Variants in GPBP1 observed in about 807,000 individuals in gnomAD.
GPBP1 encodes GC-rich promoter binding protein 1, also known as vasculin.
In GPBP1, 13 loss-of-function variants were observed where a neutral mutation model predicts 56.5. The ratio of observed to expected loss-of-function variants is 0.23; its 90% CI spans 0.15 to 0.37. The LOEUF is 0.37. Among genes scored for constraint, GPBP1 ranks in the 10% least tolerant of loss-of-function variants. The pLI, the probability that GPBP1 is intolerant of heterozygous loss-of-function variation, is 1.00. For missense variants in GPBP1, 477 were observed against 572.3 expected (o/e 0.83, Z 1.70); for synonymous variants, 204 against 188.9 (o/e 1.08, Z -0.66).
At chr5:57,203,406 C>T (rs1049724440) in intron 2 of GPBP1, among the ~76,000 whole-genome samples, 4 of 152,150 alleles carry the variant, frequency 2.6e-5, no homozygotes, top group South Asian at 4.1e-4. Context: ...GAGGCCGAGG[C>T]GGGCAGATCA....
At chr5:57,249,644 G>A (rs2111934468) in intron 9 of GPBP1, 68 bp downstream of exon 9, 1 of 1,264,752 alleles carries the variant, frequency 7.9e-7, no homozygotes, top group East Asian at 2.5e-5. Flanking sequence ...GCATGTATTA[G>A]GACCTTGGAA....
At chr5:57,229,087 C>T (rs991313931) in intron 3 of GPBP1, among the ~76,000 whole-genome samples, 26 of 151,248 alleles carry the variant, frequency 1.7e-4, no homozygotes, top group Admixed American at 1.5e-3. Context: ...AAAAATTAAC[C>T]GGTTGTGGTG....
Position 57,214,177 on chromosome 5 carries a change from C to A in GPBP1, c.47C>A (p.Pro16Gln). Residue 16 changes from proline (P) to glutamine (Q), a missense_variant, in exon 3 of 12, where the codon CCA becomes CAA. Pro to Gln is a moderately conservative substitution (Grantham distance 76). Coordinates refer to ENST00000506184, the MANE Select transcript of GPBP1 (RefSeq NM_022913.4). ...FAPAWLNFPTPPSSTKSSLNF... is the reference protein window; with the variant it reads ...FAPAWLNFPTQPSSTKSSLNF... ...CCAGCCTGGCTTAATTTCCCTACTC[C>A]ACCATCATCAACAAAGGTACTCTTT... 1 of 1,612,788 alleles carries A rather than the reference C, an allele frequency of 6.2e-7. No homozygotes were observed. Among genetic ancestry groups the A allele is most frequent in the Non-Finnish European group, 8.5e-7 (1 of 1,178,830 alleles).
chr5:57,200,317 CAT>C (rs1252925938), intron 2 of GPBP1, among the ~76,000 whole-genome samples: 3 of 148,760 alleles, frequency 2.0e-5, no homozygotes, highest in Non-Finnish European at 4.5e-5. Context: ...TAAAACAAAA[CAT>C]AAAGCATTGT....
intron 3 of GPBP1, among the ~76,000 whole-genome samples, chr5:57,223,687 A>G (rs1756050935): frequency 1.3e-5 from 2 of 151,802 alleles, no homozygotes; most frequent in South Asian, 4.2e-4. Context: ...AACTAAAGAA[A>G]TGTCTTCATA....
At chr5:57,226,700 C>T (rs563081445) in intron 3 of GPBP1, among the ~76,000 whole-genome samples, 23 of 143,460 alleles carry the variant, frequency 1.6e-4, no homozygotes, top group Middle Eastern at 3.6e-3. Flanking sequence ...TACAGGTGTG[C>T]GCCACCAAGC....
Position 57,195,167 on chromosome 5 carries a change from C to A in GPBP1, c.-58+18767C>A, listed in dbSNP as rs145855676. Among the ~76,000 whole-genome samples the A allele has an allele frequency of 3.1e-3, 472 of 151,644 alleles. 4 individuals are homozygous for A. Among genetic ancestry groups the A allele is most frequent in the African/African-American group, 0.011 (451 of 41,318 alleles). On this transcript the variant is annotated intron_variant, in intron 2 of 11. Transcript: ENST00000506184. Reference sequence around the variant, plus strand: ...CCTTTGCCCATTTTTCTATTGAGTTCTTTTTTCTTTTTGAGACAGGGTTTA... The same window carrying A: ...CCTTTGCCCATTTTTCTATTGAGTTATTTTTTCTTTTTGAGACAGGGTTTA...
intron 6 of GPBP1, among the ~76,000 whole-genome samples, chr5:57,243,963 A>T (rs1740958412): frequency 6.6e-6 from 1 of 152,130 alleles, no homozygotes; most frequent in South Asian, 2.1e-4. Flanking sequence ...TGCTGGGATT[A>T]CAGGCATGAG....
rs565752193 is a variant in GPBP1 at position 57,258,617 on chromosome 5, G to C, written c.1161-2563G>C. Among the ~76,000 whole-genome samples the C allele has an allele frequency of 1.4e-4, 21 of 152,250 alleles. 1 individual carries two copies. The highest frequency in any genetic ancestry group is 1.4e-3 in the Admixed American group (21 of 15,292). On this transcript the variant is annotated intron_variant, in intron 10 of 11. Transcript: ENST00000506184. ...GGCACATGTTTGTATGTTTAGGGGG[G>C]AAAGGGAAACACAGATTGTTTTTAT... is the stretch of plus-strand genomic sequence containing the variant.
chr5:57,195,018 A>C (rs1219396904), intron 2 of GPBP1, among the ~76,000 whole-genome samples: 1 of 152,034 alleles, frequency 6.6e-6, no homozygotes, highest in East Asian at 1.9e-4. Context: ...ATATATACCC[A>C]GCAGTGGGCT....
chr5:57,212,726 G>A (rs552820088), intron 2 of GPBP1, among the ~76,000 whole-genome samples: 1 of 148,256 alleles, frequency 6.7e-6, no homozygotes, highest in African/African-American at 2.5e-5. Context: ...CTGGAGTGCA[G>A]TGGCTCTATT....
chr5:57,182,303 T>G (rs1474524230), intron 2 of GPBP1, among the ~76,000 whole-genome samples: 2 of 151,964 alleles, frequency 1.3e-5, no homozygotes, highest in Non-Finnish European at 2.9e-5. Context: ...AGGCTGGTCT[T>G]GAACTCCTGA....
At chr5:57,202,135 G>C (rs1330235486) in intron 2 of GPBP1, among the ~76,000 whole-genome samples, 1 of 152,046 alleles carries the variant, frequency 6.6e-6, no homozygotes, top group Non-Finnish European at 1.5e-5. Flanking sequence ...CTGGGACTAC[G>C]GGTGCATGCC....
chr5:57,177,430 A>G (rs1753832617), intron 2 of GPBP1, among the ~76,000 whole-genome samples: 1 of 152,110 alleles, frequency 6.6e-6, no homozygotes, highest in South Asian at 2.1e-4. Context: ...CACGAGTATA[A>G]CTAAAATTAG....
chr5:57,201,233 C>T (rs1188910512), intron 2 of GPBP1, among the ~76,000 whole-genome samples: 1 of 152,184 alleles, frequency 6.6e-6, no homozygotes, highest in Non-Finnish European at 1.5e-5. Context: ...GCTCGTGATC[C>T]TTCTGCCTCA....
At chr5:57,229,007 A>G (rs1756319990) in intron 3 of GPBP1, among the ~76,000 whole-genome samples, 1 of 152,116 alleles carries the variant, frequency 6.6e-6, no homozygotes, top group African/African-American at 2.4e-5. Flanking sequence ...AGGCAGGTGG[A>G]TCACTTGAAG....
chr5:57,247,230 A>G lies in GPBP1; in HGVS notation c.804+15A>G, dbSNP rs773826798. 3.1e-6 allele frequency: 5 copies of G among 1,597,068 alleles called. No individual in the cohort carries two copies. The highest frequency in any genetic ancestry group is 4.3e-6 in the Non-Finnish European group (5 of 1,169,154). On this transcript the variant is annotated intron_variant, in intron 8 of 11. Transcript: ENST00000506184. ...CAGTGAAAGAGGTATGACATTAAAA[A>G]TCACACTTGAGGAATGTAACATTTT...
At chr5:57,191,803 G>A (rs1248418155) in intron 2 of GPBP1, among the ~76,000 whole-genome samples, 3 of 152,026 alleles carry the variant, frequency 2.0e-5, no homozygotes, top group South Asian at 4.1e-4. Flanking sequence ...CTCATGATCC[G>A]CCCACCTCTG....
At chr5:57,245,547 A>G (rs1741050615) in intron 6 of GPBP1, 1 of 152,228 alleles carries the variant, frequency 6.6e-6, no homozygotes, top group African/African-American at 2.4e-5. Context: ...TGCTTTTAAA[A>G]GTTTTTGTAA....
Sources: gnomAD v4.1 joint callset for allele counts (sites outside exome capture counted in the v4.1 genomes callset) on GRCh38, gnomAD v4.1.1 for gene constraint, MANE v1.5 for transcripts, NCBI Gene and HGNC (gene_info 2026-07-23, HGNC 2026-07-21) for gene names.